The following E2F5 variants were observed in gnomAD, a reference collection of about 807,000 sequenced individuals.
The protein encoded by E2F5 is E2F transcription factor 5.
E2F5 carries 23 observed loss-of-function variants against 39.1 expected under a neutral mutation model. That is an observed-to-expected ratio of 0.59 (90% CI 0.42 to 0.83). E2F5 has a LOEUF of 0.83. Among genes scored for constraint, E2F5 ranks in the 40% least tolerant of loss-of-function variants. The pLI, the probability that E2F5 is intolerant of heterozygous loss-of-function variation, is 0.00. For missense variants in E2F5, 365 were observed against 406.7 expected (o/e 0.90, Z 0.88); for synonymous variants, 145 against 157.8 (o/e 0.92, Z 0.61).
At chr8:85,182,645 TCA>T (rs897849905) in intron 1 of E2F5, among the ~76,000 whole-genome samples, 4 of 152,218 alleles carry the variant, frequency 2.6e-5, no homozygotes, top group Non-Finnish European at 5.9e-5. Flanking sequence ...TTTCACTTGT[TCA>T]CAGTTAAGAA....
At chr8:85,183,460 T>A (rs1484555867) in intron 1 of E2F5, among the ~76,000 whole-genome samples, 1 of 152,220 alleles carries the variant, frequency 6.6e-6, no homozygotes, top group Non-Finnish European at 1.5e-5. Flanking sequence ...CCTGTGTTCA[T>A]AACAGTGGCA....
chr8:85,199,493 C>T (rs1409042122), intron 1 of E2F5, among the ~76,000 whole-genome samples: 1 of 152,084 alleles, frequency 6.6e-6, no homozygotes, highest in African/African-American at 2.4e-5. Context: ...GACCCAGAAC[C>T]AAGCCTGGAA....
Position 85,177,532 on chromosome 8 carries a change from C to G in E2F5, c.112C>G (p.Pro38Ala). 1 of 1,176,792 alleles carries G rather than the reference C, an allele frequency of 8.5e-7. No homozygotes were observed. The highest frequency in any genetic ancestry group is 1.0e-6 in the Non-Finnish European group (1 of 952,542). 72.9% of individuals were successfully genotyped at this position (1,176,792 alleles called of 1,614,324 possible). Residue 38 changes from proline (P) to alanine (A), a missense_variant, in exon 1 of 8, where the codon CCG (proline) becomes GCG (alanine). Transcript: ENST00000416274. The stretch of plus-strand genomic sequence containing the variant: ...GGCGCAAGCCCCGCAGCCGCCCCCG[C>G]CGCCGCAGCTCGGGGGCGCCGGGGG... Reference protein sequence around the residue: ...PQAQAPQPPPPPQLGGAGGGS... With the variant: ...PQAQAPQPPPAPQLGGAGGGS...
chr8:85,211,953 C>T (rs1812934096), intron 6 of E2F5, among the ~76,000 whole-genome samples: 1 of 151,978 alleles, frequency 6.6e-6, no homozygotes, highest in Non-Finnish European at 1.5e-5. Flanking sequence ...GATAATGAGT[C>T]TTTTGGTCTT....
chr8:85,188,902 A>G (rs991177748), intron 1 of E2F5, among the ~76,000 whole-genome samples: 11 of 152,076 alleles, frequency 7.2e-5, no homozygotes, highest in South Asian at 2.1e-4. Context: ...ACCCTCTTCA[A>G]TGTGACTTTT....
chr8:85,186,798 GAT>G lies in E2F5; in HGVS notation c.234+9147_234+9148del, dbSNP rs532379895. On this transcript the variant is annotated intron_variant, in intron 1 of 7. Coordinates refer to ENST00000416274, the MANE Select transcript of E2F5 (RefSeq NM_001951.4). Reference sequence around the variant, plus strand: ...CGGTATATATAAGGTGTATATATATGATATGTATATATAAGGTGTATATATAT... The same window carrying G: ...CGGTATATATAAGGTGTATATATATGATGTATATATAAGGTGTATATATAT... Among the ~76,000 whole-genome samples the G allele has an allele frequency of 8.2e-5, 12 of 146,180 alleles. No individual in the cohort carries two copies. The South Asian group carries it at 2.6e-3, about 31-fold the overall frequency.
chr8:85,198,450 T>G (rs1345785062), intron 1 of E2F5, among the ~76,000 whole-genome samples: 1 of 152,208 alleles, frequency 6.6e-6, no homozygotes, highest in Non-Finnish European at 1.5e-5. Context: ...ATTCTAGCTT[T>G]CTTTCCATTC....
chr8:85,191,558 C>T lies in E2F5; in HGVS notation c.235-10589C>T, dbSNP rs1183986681. ...AAACAATATATATGATTTTTAATTA[C>T]CAATTTTATTTAAAAATTTTGTTTT... On this transcript the variant is annotated intron_variant, in intron 1 of 7. Transcript: ENST00000416274. 2.0e-5 allele frequency among the ~76,000 whole-genome samples: 3 copies of T among 152,112 alleles called. No individual in the cohort carries two copies. The East Asian group carries it at 5.8e-4, about 29-fold the overall frequency.
chr8:85,208,205 G>A (rs1398930278), intron 5 of E2F5, among the ~76,000 whole-genome samples: 1 of 152,138 alleles, frequency 6.6e-6, no homozygotes, highest in Non-Finnish European at 1.5e-5. Context: ...GTGCATGCCT[G>A]TAATCCCAGC....
chr8:85,205,649 T>C (rs1812788609), intron 3 of E2F5, among the ~76,000 whole-genome samples: 1 of 152,216 alleles, frequency 6.6e-6, no homozygotes, highest in Non-Finnish European at 1.5e-5. Context: ...CCCTTGCTCC[T>C]GTCTTCTGCC....
intron 1 of E2F5, 56 bp from the exon 2 acceptor site, chr8:85,202,091 G>A: frequency 7.1e-7 from 1 of 1,414,160 alleles, no homozygotes; most frequent in Non-Finnish European, 9.8e-7. Flanking sequence ...ACCCTTTTTG[G>A]CTTTAAAATA....
chr8:85,212,302 A>G, intron 7 of E2F5, 98 bp downstream of exon 7: 1 of 867,618 alleles, frequency 1.2e-6, no homozygotes, highest in Non-Finnish European at 1.8e-6. Context: ...TATATTTGCT[A>G]CCTGCTTTAC....
chr8:85,184,619 A>G (rs1812289471), intron 1 of E2F5, among the ~76,000 whole-genome samples: 1 of 152,190 alleles, frequency 6.6e-6, no homozygotes, highest in Admixed American at 6.5e-5. Flanking sequence ...AGAAAACCCC[A>G]TCGTCTTAGC....
chr8:85,180,875 G>A (rs1358604480), intron 1 of E2F5, among the ~76,000 whole-genome samples: 3 of 151,350 alleles, frequency 2.0e-5, no homozygotes, highest in South Asian at 2.1e-4. Flanking sequence ...CACCGCGCCC[G>A]GCCGGTCTTG....
At chr8:85,187,036 A>C (rs1357680177) in intron 1 of E2F5, among the ~76,000 whole-genome samples, 7 of 151,546 alleles carry the variant, frequency 4.6e-5, no homozygotes, top group African/African-American at 1.7e-4. Flanking sequence ...TTCATTTGTT[A>C]AGATATTTTT....
Position 85,202,224 on chromosome 8 carries a change from T to A in E2F5, c.312T>A (p.Ile104=). 6.2e-7 allele frequency: 1 copy of A among 1,611,872 alleles called. No homozygotes were observed. Among genetic ancestry groups the A allele is most frequent in the Non-Finnish European group, 8.5e-7 (1 of 1,179,182 alleles). ...ITNVLEGIDL[I]EKKSKNSIQW... is the part of the protein sequence containing the mutation. ...ATGTCTTAGAGGGAATTGACTTGAT[T>A]GAAAAAAAGTCAAAAAACAGTATCC... Residue 104 remains isoleucine, a synonymous_variant, in exon 2 of 8, where the codon ATT becomes ATA. Coordinates refer to ENST00000416274, the MANE Select transcript of E2F5 (RefSeq NM_001951.4).
At chr8:85,211,184 G>A (rs557476986) in intron 6 of E2F5, among the ~76,000 whole-genome samples, 1 of 141,796 alleles carries the variant, frequency 7.1e-6, no homozygotes, top group East Asian at 2.1e-4. Flanking sequence ...CCAGGAATTT[G>A]AGACCAACCT....
intron 1 of E2F5, among the ~76,000 whole-genome samples, chr8:85,178,506 C>G (rs537203782): frequency 1.3e-5 from 2 of 152,284 alleles, no homozygotes; most frequent in Non-Finnish European, 1.5e-5. Flanking sequence ...AAGAATTCAA[C>G]AGCGCTCAGG....
In E2F5 at chr8:85,177,823, G is replaced by C. The variant is rs1468451006; in HGVS notation, c.234+169G>C. The C allele has an allele frequency of 8.1e-6, 9 of 1,109,054 alleles. No homozygotes were observed. The East Asian group carries it at 2.1e-4, about 26-fold the overall frequency. The allele number at this position is 1,109,054 out of a possible 1,614,324, so 68.7% of individuals were successfully genotyped here. ...CCTGCGCCCGGGTCGTGGACGCCGG[G>C]ATGGGGGAGGGACGAGGGACCAGGA... On this transcript the variant is annotated intron_variant, in intron 1 of 7. Transcript: ENST00000416274.
Sources: allele counts gnomAD v4.1 joint callset (sites outside exome capture counted in the v4.1 genomes callset), GRCh38; gene constraint gnomAD v4.1.1; transcripts MANE v1.5; gene names NCBI Gene and HGNC (gene_info 2026-07-23, HGNC 2026-07-21).